TMEM132B: variants seen among roughly 807,000 people sequenced by gnomAD.
TMEM132B encodes transmembrane protein 132B.
A neutral mutation model predicts 90.8 loss-of-function variants in TMEM132B; 18 were observed. The ratio of observed to expected loss-of-function variants is 0.20; its 90% CI spans 0.14 to 0.29. The LOEUF (loss-of-function observed/expected upper bound fraction) is 0.29, where lower values mean the gene tolerates loss of function less well. TMEM132B is among the 10% of genes least tolerant of loss of function. The pLI is 1.00. For synonymous variants in TMEM132B, 504 were observed against 523.3 expected, an observed-to-expected ratio of 0.96 and a Z score of 0.50; for missense variants, 1,096 against 1,326.8, an observed-to-expected ratio of 0.83 and a Z score of 2.70.
Position 125,267,860 on chromosome 12 carries a change from G to A in TMEM132B, c.67+80994G>A, listed in dbSNP as rs140132594. On this transcript the variant is annotated intron_variant, in intron 1 of 8. Transcript: ENST00000682704. ...GTCTTGATTTTTTCAATCTTGGTTC[G>A]GTGTAAGAAATGCAGTGTGGACCAA... is the stretch of plus-strand genomic sequence containing the variant. 2.0e-3 allele frequency among the ~76,000 whole-genome samples: 299 copies of A among 152,138 alleles called. 2 individuals carry two copies. The highest frequency in any genetic ancestry group is 7.0e-3 in the African/African-American group (290 of 41,480).
Position 125,343,493 on chromosome 12 carries a change from C to T in TMEM132B, c.68-5959C>T, listed in dbSNP as rs138993999. On this transcript the variant is annotated intron_variant, in intron 1 of 8. Coordinates refer to ENST00000682704, the MANE Select transcript of TMEM132B (RefSeq NM_001366854.1). ...TCAGATGACCTCCAAATGGTTAACTCCTTGGCCTCATTGTAGAACTGCCAG... is the reference window on the plus strand; with the variant it reads ...TCAGATGACCTCCAAATGGTTAACTTCTTGGCCTCATTGTAGAACTGCCAG... Among the ~76,000 whole-genome samples, 43 of 152,294 alleles carry T rather than the reference C, an allele frequency of 2.8e-4. No homozygotes were observed. The East Asian group carries it at 7.1e-3, about 25-fold the overall frequency.
At chr12:125,411,366 G>C (rs376719454) in intron 2 of TMEM132B, among the ~76,000 whole-genome samples, 2,674 of 46,478 alleles carry the variant, frequency 0.058, 103 homozygotes, top group African/African-American at 0.13. Context: ...GTCAGAGGGT[G>C]GGGGGGGGCC....
At chr12:125,476,543 T>C (rs1428701227) in intron 3 of TMEM132B, among the ~76,000 whole-genome samples, 2 of 152,262 alleles carry the variant, frequency 1.3e-5, no homozygotes, top group Admixed American at 6.5e-5. Flanking sequence ...ACTGTATCAA[T>C]GGACACTTGG....
At chr12:125,295,459 A>AG (rs34529031) in intron 1 of TMEM132B, among the ~76,000 whole-genome samples, 20,636 of 151,134 alleles carry the variant, frequency 0.14, 1,574 homozygotes, top group African/African-American at 0.2. Flanking sequence ...GACTCTGGGA[A>AG]GTGTGGGTCA....
intron 5 of TMEM132B, among the ~76,000 whole-genome samples, chr12:125,619,696 CTG>C (rs1284316873): frequency 6.6e-5 from 10 of 152,160 alleles, no homozygotes; most frequent in Non-Finnish European, 1.5e-4. Flanking sequence ...CATGTGGTCT[CTG>C]TGGCAGGCAG....
At chr12:125,488,506 T>G (rs1042075513) in intron 3 of TMEM132B, among the ~76,000 whole-genome samples, 1 of 152,146 alleles carries the variant, frequency 6.6e-6, no homozygotes, top group Non-Finnish European at 1.5e-5. Flanking sequence ...CTCGTGATAG[T>G]GAATGAGTCT....
At chr12:125,506,075 C>T (rs12301025) in intron 3 of TMEM132B, among the ~76,000 whole-genome samples, 4,506 of 152,282 alleles carry the variant, frequency 0.03, 234 homozygotes, top group African/African-American at 0.1. Flanking sequence ...ATGTTTACAA[C>T]AGCATATTCA....
chr12:125,553,720 G>T (rs927527162), intron 4 of TMEM132B, among the ~76,000 whole-genome samples: 1 of 152,208 alleles, frequency 6.6e-6, no homozygotes, highest in Non-Finnish European at 1.5e-5. Flanking sequence ...ATTAGGTCAA[G>T]AACAGATTCT....
intron 1 of TMEM132B, among the ~76,000 whole-genome samples, chr12:125,279,061 G>C (rs1408299450): frequency 1.3e-5 from 2 of 152,148 alleles, no homozygotes; most frequent in Non-Finnish European, 2.9e-5. Flanking sequence ...TACAGACAGG[G>C]GTCATTGGTA....
intron 1 of TMEM132B, among the ~76,000 whole-genome samples, chr12:125,195,756 G>A (rs113534538): frequency 2.1e-4 from 32 of 152,168 alleles, no homozygotes; most frequent in African/African-American, 7.5e-4. Flanking sequence ...AAGACCTAAA[G>A]GGGTAAGGGA....
intron 3 of TMEM132B, among the ~76,000 whole-genome samples, chr12:125,422,271 GA>G (rs1880190185): frequency 6.6e-6 from 1 of 152,204 alleles, no homozygotes; most frequent in Admixed American, 6.5e-5. Context: ...ATGATTTCCT[GA>G]GGTCTCAGAG....
At chr12:125,546,610 T>C (rs772903132) in intron 4 of TMEM132B, among the ~76,000 whole-genome samples, 4 of 152,268 alleles carry the variant, frequency 2.6e-5, no homozygotes, top group Non-Finnish European at 5.9e-5. Flanking sequence ...ACTTATGTTT[T>C]TGTGTGTATC....
At chr12:125,199,673 A>C (rs903080740) in intron 1 of TMEM132B, among the ~76,000 whole-genome samples, 7 of 152,164 alleles carry the variant, frequency 4.6e-5, no homozygotes, top group Non-Finnish European at 1.0e-4. Context: ...GTTAAGTTGA[A>C]TCTGTTCCAT....
At position 125,445,256 on chromosome 12, in the gene TMEM132B, C is replaced by T. The variant is rs749157562; in HGVS notation, c.1106+29579C>T. On this transcript the variant is annotated intron_variant, in intron 3 of 8. Transcript: ENST00000682704. The surrounding 1 kb of genome is among the most constrained non-coding windows in gnomAD (Gnocchi z 4.3). ...GATGGAAGTGAAGCTTTGTGGTTGA[C>T]GAGGTGGGCTCTGGATCTGTGTCCT... is the stretch of plus-strand genomic sequence containing the variant. 2.6e-5 allele frequency among the ~76,000 whole-genome samples: 4 copies of T among 152,122 alleles called. No individual in the cohort carries two copies. Among genetic ancestry groups the T allele is most frequent in the South Asian group, 4.1e-4 (2 of 4,828 alleles).
At chr12:125,519,349 A>C (rs1883246478) in intron 3 of TMEM132B, 90 bp from the exon 4 acceptor site, 12 of 1,352,868 alleles carry the variant, frequency 8.9e-6, no homozygotes, top group Non-Finnish European at 1.2e-5. Context: ...CTTTTGGTTG[A>C]CAAATAAGAA....
At chr12:125,640,819 T>C (rs1886611612) in intron 5 of TMEM132B, among the ~76,000 whole-genome samples, 1 of 152,092 alleles carries the variant, frequency 6.6e-6, no homozygotes. Context: ...GTTGCGGCAA[T>C]GAGGTCCTGT....
At chr12:125,596,407 A>G (rs1184804078) in intron 5 of TMEM132B, among the ~76,000 whole-genome samples, 1 of 152,174 alleles carries the variant, frequency 6.6e-6, no homozygotes, top group African/African-American at 2.4e-5. Context: ...ATTTCTACTC[A>G]TATACCCAAT....
chr12:125,414,297 GT>G (rs976162890), intron 2 of TMEM132B, among the ~76,000 whole-genome samples: 17 of 151,918 alleles, frequency 1.1e-4, no homozygotes, highest in Admixed American at 7.9e-4. Flanking sequence ...TTGTCTTTTT[GT>G]TTTCATTCAC....
intron 1 of TMEM132B, among the ~76,000 whole-genome samples, chr12:125,232,803 GT>G (rs1873856307): frequency 6.6e-6 from 1 of 152,178 alleles, no homozygotes; most frequent in Non-Finnish European, 1.5e-5. Flanking sequence ...GTTCTTTTCT[GT>G]TTTTAGATCT....
Sources: gnomAD v4.1 joint callset for allele counts (sites outside exome capture counted in the v4.1 genomes callset) on GRCh38, gnomAD v4.1.1 for gene constraint, Gnocchi (gnomAD v3.1) non-coding constraint, MANE v1.5 for transcripts, NCBI Gene and HGNC (gene_info 2026-07-23, HGNC 2026-07-21) for gene names.